The following RAD50 variants were observed in gnomAD, a reference collection of about 807,000 sequenced individuals.
The protein encoded by RAD50 is RAD50 double strand break repair protein, also known as DNA repair protein RAD50.
Under a neutral mutation model 168.8 loss-of-function variants are expected in RAD50, and 132 were observed. The observed-to-expected ratio is 0.78, with a 90% confidence interval of 0.68 to 0.90. The LOEUF is 0.90. Among genes scored for constraint, RAD50 ranks in the 40% least tolerant of loss-of-function variants. The pLI, the probability that RAD50 is intolerant of heterozygous loss-of-function variation, is 0.00. For missense variants in RAD50, 1,347 were observed against 1,534.4 expected (o/e 0.88, Z 2.04); for synonymous variants, 525 against 497.4 (o/e 1.06, Z -0.74).
chr5:132,612,692 A>T (rs1199277030), intron 19 of RAD50, among the ~76,000 whole-genome samples: 2 of 152,070 alleles, frequency 1.3e-5, no homozygotes, highest in South Asian at 4.2e-4. Flanking sequence ...GCCAGGTGTG[A>T]TGGTGCATAC....
Position 132,637,746 on chromosome 5 carries a change from C to A in RAD50, c.3476-335C>A, listed in dbSNP as rs531094784. Among the ~76,000 whole-genome samples the A allele has an allele frequency of 9.2e-5, 14 of 152,236 alleles. No individual in the cohort carries two copies. In the East Asian group the frequency reaches 2.1e-3, roughly 23 times the overall value. On this transcript the variant is annotated intron_variant, in intron 22 of 24. Coordinates refer to ENST00000378823, the MANE Select transcript of RAD50 (RefSeq NM_005732.4). The stretch of plus-strand genomic sequence containing the variant: ...ATGGGGTTTCACCATGTTGGCCAGG[C>A]TGGTCTCAAACTCCTGCCCTCAGGT...
At chr5:132,620,867 G>GA (rs1171073728) in intron 21 of RAD50, among the ~76,000 whole-genome samples, 4 of 152,010 alleles carry the variant, frequency 2.6e-5, no homozygotes, top group African/African-American at 4.8e-5. Flanking sequence ...CTGGAGACAA[G>GA]AAAAAATTAT....
chr5:132,586,752 C>A (rs780418088), intron 5 of RAD50, among the ~76,000 whole-genome samples: 3 of 152,054 alleles, frequency 2.0e-5, no homozygotes, highest in Non-Finnish European at 4.4e-5. Flanking sequence ...ATAGTCTCAG[C>A]TACTTGGAGG....
In RAD50 at chr5:132,608,616, A is replaced by T; in HGVS notation, c.2720A>T (p.Asp907Val). ...EVQSLYREIKDAKEQVSPLET... is the reference protein window; with the variant it reads ...EVQSLYREIKVAKEQVSPLET... ...ACTTTATCTTTTTTATATTTTTAGG[A>T]TGCTAAAGAGCAGGTAAGCCCTTTG... Residue 907 changes from aspartate (D) to valine (V), a missense_variant and splice_region_variant, in exon 17 of 25, where the codon GAT (aspartate) becomes GTT (valine). This residue lies in a region of RAD50 where 635 missense variants were observed against 739.2 expected (regional missense o/e 0.86). Transcript: ENST00000378823. The T allele has an allele frequency of 6.4e-7, 1 of 1,573,330 alleles. No homozygotes were observed. Among genetic ancestry groups the T allele is most frequent in the Non-Finnish European group, 8.6e-7 (1 of 1,157,684 alleles).
At chr5:132,585,083 G>C (rs1399054079) in intron 5 of RAD50, among the ~76,000 whole-genome samples, 3 of 152,110 alleles carry the variant, frequency 2.0e-5, no homozygotes, top group Non-Finnish European at 4.4e-5. Flanking sequence ...ATGTACCCTC[G>C]AACTTAAAGT....
chr5:132,626,328 C>G (rs889841115), intron 21 of RAD50, among the ~76,000 whole-genome samples: 4 of 152,156 alleles, frequency 2.6e-5, no homozygotes, highest in African/African-American at 4.8e-5. Flanking sequence ...AGTGGGATTG[C>G]AGAATCATAT....
intron 13 of RAD50, among the ~76,000 whole-genome samples, chr5:132,600,597 G>T (rs1012615737): frequency 1.7e-4 from 26 of 152,068 alleles, no homozygotes; most frequent in African/African-American, 6.3e-4. Context: ...AAATGTACCT[G>T]TTTATCATTT....
Position 132,559,369 on chromosome 5 carries a change from T to C in RAD50, c.213+2T>C. 6.2e-7 allele frequency: 1 copy of C among 1,606,894 alleles called. No homozygotes were observed. The highest frequency in any genetic ancestry group is 1.1e-5 in the South Asian group (1 of 89,270). On this transcript the variant is annotated splice_donor_variant, in intron 2 of 24. Coordinates refer to ENST00000378823, the MANE Select transcript of RAD50 (RefSeq NM_005732.4). LOFTEE classifies it high-confidence loss of function. The stretch of plus-strand genomic sequence containing the variant: ...AATACATTTGTACACGATCCCAAGG[T>C]AATGGTGCTAGTACAATTTTGTATT...
chr5:132,626,427 T>C (rs1751373102), intron 21 of RAD50, among the ~76,000 whole-genome samples: 1 of 152,164 alleles, frequency 6.6e-6, no homozygotes, highest in Non-Finnish European at 1.5e-5. Context: ...TTTAGCAAAT[T>C]ATTTAGACAC....
At chr5:132,613,873 A>T (rs2149852114) in intron 19 of RAD50, among the ~76,000 whole-genome samples, 1 of 152,300 alleles carries the variant, frequency 6.6e-6, no homozygotes, top group East Asian at 1.9e-4. Flanking sequence ...CTGGGATTAC[A>T]GGTATGAGCC....
chr5:132,606,226 CA>C (rs1411700676), intron 16 of RAD50, among the ~76,000 whole-genome samples: 1 of 151,934 alleles, frequency 6.6e-6, no homozygotes, highest in African/African-American at 2.4e-5. Context: ...AGACCACTAG[CA>C]AGACTAATAC....
intron 2 of RAD50, among the ~76,000 whole-genome samples, chr5:132,573,660 T>G (rs895951459): frequency 6.6e-6 from 1 of 152,194 alleles, no homozygotes; most frequent in Non-Finnish European, 1.5e-5. Context: ...TCCAGAGTCT[T>G]ACCCAAGATA....
chr5:132,634,292 A>T (rs188116221), intron 21 of RAD50, among the ~76,000 whole-genome samples: 110 of 152,212 alleles, frequency 7.2e-4, no homozygotes, highest in Non-Finnish European at 7.4e-5. Flanking sequence ...CCCTTTTGTT[A>T]GACTTATTCC....
chr5:132,632,983 G>C (rs1234295907), intron 21 of RAD50, among the ~76,000 whole-genome samples: 1 of 151,076 alleles, frequency 6.6e-6, no homozygotes, highest in African/African-American at 2.4e-5. Context: ...CTACTAGGTT[G>C]TCTGTTTCTT....
At chr5:132,633,944 T>C (rs964384889) in intron 21 of RAD50, among the ~76,000 whole-genome samples, 8 of 152,196 alleles carry the variant, frequency 5.3e-5, no homozygotes, top group African/African-American at 1.9e-4. Flanking sequence ...AACTTTCCAG[T>C]TGATTTGAAC....
At chr5:132,557,731 A>T (rs1169124152) in intron 1 of RAD50, among the ~76,000 whole-genome samples, 1 of 152,146 alleles carries the variant, frequency 6.6e-6, no homozygotes, top group African/African-American at 2.4e-5. Flanking sequence ...TTCAGTTCCC[A>T]CTGGATGCCC....
At chr5:132,640,918 G>GT in intron 24 of RAD50, 113 bp downstream of exon 24, 1 of 1,553,788 alleles carries the variant, frequency 6.4e-7, no homozygotes, top group Non-Finnish European at 8.8e-7. Context: ...CTCTAGCTGT[G>GT]TTCCCCACTT....
intron 21 of RAD50, among the ~76,000 whole-genome samples, chr5:132,619,821 T>TCTCTCTACTCCC (rs1751246911): frequency 7.6e-6 from 1 of 132,306 alleles, no homozygotes; most frequent in African/African-American, 3.0e-5. Flanking sequence ...TACTCCTCTC[T>TCTCTCTACTCCC]CTCTCTCTCT....
At chr5:132,606,429 A>C (rs1365692023) in intron 16 of RAD50, among the ~76,000 whole-genome samples, 1 of 152,238 alleles carries the variant, frequency 6.6e-6, no homozygotes, top group African/African-American at 2.4e-5. Flanking sequence ...GAAGAAGTCA[A>C]ATCCCCAAAT....
Sources: allele counts gnomAD v4.1 joint callset (sites outside exome capture counted in the v4.1 genomes callset), GRCh38; gene constraint gnomAD v4.1.1; regional missense constraint gnomAD v4.1.1; transcripts MANE v1.5; gene names NCBI Gene and HGNC (gene_info 2026-07-23, HGNC 2026-07-21).